The following RBFOX1 variants were observed in gnomAD, a reference collection of about 807,000 sequenced individuals.
RBFOX1 encodes the protein RNA binding protein fox-1 homolog 1.
A neutral mutation model predicts 57.7 loss-of-function variants in RBFOX1; 8 were observed. That is an observed-to-expected ratio of 0.14 (90% confidence interval 0.08 to 0.25). The LOEUF (loss-of-function observed/expected upper bound fraction) is 0.25, where lower values mean the gene tolerates loss of function less well. Among genes scored for constraint, RBFOX1 ranks in the 10% least tolerant of loss-of-function variants. RBFOX1 has a pLI of 1.00. For synonymous variants in RBFOX1, 326 were observed against 222.4 expected, an observed-to-expected ratio of 1.47 and a Z score of -4.15; for missense variants, 611 against 548.5, an observed-to-expected ratio of 1.11 and a Z score of -1.14.
At chr16:7,519,605 A>G in intron 5 of RBFOX1, 2 of 615,578 alleles carry the variant, frequency 3.2e-6, no homozygotes, top group Non-Finnish European at 4.1e-6. Flanking sequence ...TAAAGTAATC[A>G]TGCATACCAC....
intron 3 of RBFOX1, among the ~76,000 whole-genome samples, chr16:6,773,211 G>T (rs2078694698): frequency 7.1e-6 from 1 of 139,982 alleles, no homozygotes. Flanking sequence ...TTGTGTGTGA[G>T]TGTATGTGTG....
chr16:7,688,479 A>G (rs963569034), intron 14 of RBFOX1, among the ~76,000 whole-genome samples: 7 of 151,984 alleles, frequency 4.6e-5, no homozygotes, highest in Non-Finnish European at 8.8e-5. Flanking sequence ...CCGCACCAAA[A>G]GTTTTCTCTG....
chr16:6,227,033 A>T (rs1033850383), intron 1 of RBFOX1, among the ~76,000 whole-genome samples: 2 of 151,718 alleles, frequency 1.3e-5, no homozygotes, highest in Non-Finnish European at 2.9e-5. Context: ...CTGAGGCAGG[A>T]TAATCGCTTG....
At chr16:5,926,724 C>A (rs1197594239) in intron 4 of RBFOX1, among the ~76,000 whole-genome samples, 1 of 152,202 alleles carries the variant, frequency 6.6e-6, no homozygotes, top group Non-Finnish European at 1.5e-5. Flanking sequence ...TGGGTGGATT[C>A]ATGAGAATCG....
chr16:6,890,292 G>A (rs11645170), intron 3 of RBFOX1, among the ~76,000 whole-genome samples: 32,625 of 151,982 alleles, frequency 0.21, 4,296 homozygotes, highest in Admixed American at 0.35. Flanking sequence ...GCCGAGGCAG[G>A]TGGATTGCTT....
chr16:6,094,832 G>A (rs908531401), intron 1 of RBFOX1, among the ~76,000 whole-genome samples: 5 of 152,206 alleles, frequency 3.3e-5, no homozygotes, highest in African/African-American at 9.7e-5. Context: ...GGGAGGCTGA[G>A]GCGGATCACC....
intron 1 of RBFOX1, among the ~76,000 whole-genome samples, chr16:5,299,990 T>A (rs2063764158): frequency 6.6e-6 from 1 of 152,116 alleles, no homozygotes; most frequent in Non-Finnish European, 1.5e-5. Flanking sequence ...GAGGGTTTTT[T>A]ATAAAAATCA....
At chr16:6,504,934 C>G (rs1372798724) in intron 2 of RBFOX1, among the ~76,000 whole-genome samples, 1 of 151,710 alleles carries the variant, frequency 6.6e-6, no homozygotes, top group Non-Finnish European at 1.5e-5. Flanking sequence ...TTTAACTGGG[C>G]TAGTGGCAGG....
intron 3 of RBFOX1, among the ~76,000 whole-genome samples, chr16:6,964,278 C>G (rs1418369402): frequency 3.9e-5 from 6 of 152,154 alleles, no homozygotes; most frequent in Non-Finnish European, 8.8e-5. Flanking sequence ...CTCGACCTCC[C>G]AAAGTGGTGG....
intron 3 of RBFOX1, among the ~76,000 whole-genome samples, chr16:6,914,330 G>T (rs368460033): frequency 2.6e-5 from 4 of 152,092 alleles, no homozygotes; most frequent in African/African-American, 9.7e-5. Flanking sequence ...TATCTAGTCC[G>T]GGGTGTCTGG....
chr16:6,475,501 G>T (rs569646859), intron 2 of RBFOX1, among the ~76,000 whole-genome samples: 1 of 152,184 alleles, frequency 6.6e-6, no homozygotes, highest in Non-Finnish European at 1.5e-5. Context: ...GGTGATTCAT[G>T]CATTTGTCTA....
At chr16:6,593,930 A>AC (rs2097751190) in intron 2 of RBFOX1, among the ~76,000 whole-genome samples, 1 of 152,090 alleles carries the variant, frequency 6.6e-6, no homozygotes, top group African/African-American at 2.4e-5. Flanking sequence ...TGTAGACTCC[A>AC]CCCCAATGCT....
chr16:6,289,514 CTA>C (rs1035222856), intron 1 of RBFOX1, among the ~76,000 whole-genome samples: 6 of 152,114 alleles, frequency 3.9e-5, no homozygotes, highest in African/African-American at 1.4e-4. Flanking sequence ...TCGGCTAATG[CTA>C]TGTTACAGAA....
chr16:7,039,684 G>C (rs2045572085), intron 3 of RBFOX1, among the ~76,000 whole-genome samples: 1 of 152,236 alleles, frequency 6.6e-6, no homozygotes, highest in South Asian at 2.1e-4. Flanking sequence ...CTTAGAATCA[G>C]AGGACACACT....
intron 2 of RBFOX1, among the ~76,000 whole-genome samples, chr16:5,597,458 G>A (rs2047223288): frequency 6.8e-6 from 1 of 146,956 alleles, no homozygotes; most frequent in African/African-American, 2.5e-5. Context: ...GAGTGCAATG[G>A]CGGTGGTCTT....
intron 10 of RBFOX1, among the ~76,000 whole-genome samples, chr16:7,626,405 T>A (rs1373003674): frequency 6.6e-6 from 1 of 152,210 alleles, no homozygotes; most frequent in Non-Finnish European, 1.5e-5. Flanking sequence ...ACTGGAGGAT[T>A]CAAAATCCTG....
At chr16:6,559,994 C>T (rs1045087574) in intron 2 of RBFOX1, among the ~76,000 whole-genome samples, 2 of 152,106 alleles carry the variant, frequency 1.3e-5, no homozygotes, top group African/African-American at 2.4e-5. Flanking sequence ...GGCCATTGTT[C>T]TTCAAGCCCA....
intron 4 of RBFOX1, among the ~76,000 whole-genome samples, chr16:5,950,329 C>T (rs369059838): frequency 7.2e-5 from 11 of 152,290 alleles, no homozygotes; most frequent in East Asian, 3.9e-4. Context: ...GATATTGAGA[C>T]GATGTGAAGA....
intron 3 of RBFOX1, among the ~76,000 whole-genome samples, chr16:6,667,572 C>G (rs1326293158): frequency 6.6e-6 from 1 of 152,180 alleles, no homozygotes; most frequent in East Asian, 1.9e-4. Context: ...TGGCTAGGCA[C>G]AGGATGCACC....
Sources: allele counts gnomAD v4.1 joint callset (sites outside exome capture counted in the v4.1 genomes callset), GRCh38; gene constraint gnomAD v4.1.1; transcripts MANE v1.5; gene names NCBI Gene and HGNC (gene_info 2026-07-23, HGNC 2026-07-21).